BZW2: variants seen among roughly 807,000 people sequenced by gnomAD.
BZW2 encodes eIF5-mimic protein 1.
BZW2 carries 23 observed loss-of-function variants against 53.2 expected under a neutral mutation model. That is an observed-to-expected ratio of 0.43 (90% CI 0.31 to 0.61). The LOEUF (loss-of-function observed/expected upper bound fraction) is 0.61, where lower values mean the gene tolerates loss of function less well. Ranked by LOEUF, BZW2 falls within the 20% of genes least tolerant of loss-of-function variation. The probability of loss-of-function intolerance (pLI) is 0.09; values close to 1 mark genes in which losing one functional copy is unlikely to be tolerated. For synonymous variants in BZW2, 227 were observed against 186.4 expected (o/e 1.22, Z -1.77); for missense variants, 409 against 503.1 (o/e 0.81, Z 1.79).
At chr7:16,676,376 C>G (rs1782765008) in intron 3 of BZW2, among the ~76,000 whole-genome samples, 1 of 152,046 alleles carries the variant, frequency 6.6e-6, no homozygotes, top group South Asian at 2.1e-4. Flanking sequence ...TGGAGAAACC[C>G]TGTCTCTACT....
intron 1 of BZW2, among the ~76,000 whole-genome samples, chr7:16,649,269 C>T (rs1375575248): frequency 1.3e-5 from 2 of 152,214 alleles, no homozygotes; most frequent in East Asian, 3.8e-4. Context: ...CAGTGTCTTG[C>T]ACCTAGTGTA....
chr7:16,677,030 T>A (rs528526925), intron 3 of BZW2, among the ~76,000 whole-genome samples: 3 of 151,864 alleles, frequency 2.0e-5, no homozygotes, highest in East Asian at 1.9e-4. Flanking sequence ...ATCAGCAGAT[T>A]TATCTCTGTA....
chr7:16,691,547 G>C (rs571351671), intron 7 of BZW2, among the ~76,000 whole-genome samples: 1 of 152,326 alleles, frequency 6.6e-6, no homozygotes, highest in African/African-American at 2.4e-5. Flanking sequence ...CCAGAACACA[G>C]AGACTGAACT....
chr7:16,671,295 C>G (rs77698494), intron 2 of BZW2, among the ~76,000 whole-genome samples: 6,640 of 152,194 alleles, frequency 0.044, 207 homozygotes, highest in Middle Eastern at 0.11. Flanking sequence ...ACATGCTATT[C>G]ACAGCTGAAC....
At chr7:16,654,946 GA>G (rs1487952366) in intron 1 of BZW2, among the ~76,000 whole-genome samples, 2 of 152,144 alleles carry the variant, frequency 1.3e-5, no homozygotes, top group Non-Finnish European at 2.9e-5. Context: ...ATGATGAGCT[GA>G]CCTTATAATC....
At chr7:16,673,887 T>C (rs985349001) in intron 2 of BZW2, among the ~76,000 whole-genome samples, 2 of 152,118 alleles carry the variant, frequency 1.3e-5, no homozygotes, top group Non-Finnish European at 1.5e-5. Flanking sequence ...TACTCTGCAA[T>C]AAGTTATTAT....
At chr7:16,660,452 C>A (rs1418917261) in intron 1 of BZW2, among the ~76,000 whole-genome samples, 1 of 150,460 alleles carries the variant, frequency 6.6e-6, no homozygotes, top group African/African-American at 2.4e-5. Flanking sequence ...ACAGTATTGA[C>A]TGCACACAGA....
chr7:16,649,660 A>G (rs977929782), intron 1 of BZW2, among the ~76,000 whole-genome samples: 2 of 152,104 alleles, frequency 1.3e-5, no homozygotes, highest in Non-Finnish European at 2.9e-5. Context: ...AGACTTAGGT[A>G]TCTTTATTGA....
chr7:16,693,453 C>T (rs1032083001), intron 7 of BZW2, among the ~76,000 whole-genome samples: 1 of 152,188 alleles, frequency 6.6e-6, no homozygotes, highest in African/African-American at 2.4e-5. Context: ...CAGTCACACT[C>T]TTCCTAAATA....
chr7:16,685,154 GC>G (rs1295099031), intron 5 of BZW2, among the ~76,000 whole-genome samples: 6 of 152,254 alleles, frequency 3.9e-5, no homozygotes, highest in Non-Finnish European at 7.4e-5. Context: ...ATCCCACAGG[GC>G]TGACTACTCT....
chr7:16,651,189 C>T (rs989231504), intron 1 of BZW2, among the ~76,000 whole-genome samples: 1 of 151,972 alleles, frequency 6.6e-6, no homozygotes, highest in Non-Finnish European at 1.5e-5. Context: ...TTTTTTGTGT[C>T]AGATGTAGCA....
At chr7:16,699,725 A>G (rs696030) in intron 10 of BZW2, among the ~76,000 whole-genome samples, 102,556 of 151,968 alleles carry the variant, frequency 0.67, 35,826 homozygotes, top group African/African-American at 0.87. Context: ...ACGGGAAATG[A>G]CATCTAGGTG....
chr7:16,685,464 T>A (rs1358881588), intron 5 of BZW2, among the ~76,000 whole-genome samples: 1 of 151,926 alleles, frequency 6.6e-6, no homozygotes. Flanking sequence ...GTTTTTGCCG[T>A]ACAAATTCTA....
At chr7:16,680,186 A>C (rs1782895622) in intron 3 of BZW2, among the ~76,000 whole-genome samples, 1 of 152,192 alleles carries the variant, frequency 6.6e-6, no homozygotes, top group Non-Finnish European at 1.5e-5. Flanking sequence ...TCTATGAGTC[A>C]GATCTGGTCA....
At chr7:16,650,087 T>A (rs1781949692) in intron 1 of BZW2, among the ~76,000 whole-genome samples, 1 of 152,218 alleles carries the variant, frequency 6.6e-6, no homozygotes, top group East Asian at 1.9e-4. Flanking sequence ...GTTTCGCTTA[T>A]GTGATTATTC....
rs1783857507 is a variant in BZW2 at position 16,706,331 on chromosome 7, T to G, written c.*243T>G. On this transcript the variant is annotated 3_prime_UTR_variant, in exon 12 of 12. Coordinates refer to ENST00000258761, the MANE Select transcript of BZW2 (RefSeq NM_014038.3). ...TCACTATATGCTAACTTAAAGCCAT[T>G]CAACAAGGAGTCAAGTAGATCTGAA... 2 of 450,408 alleles carry G rather than the reference T, an allele frequency of 4.4e-6. No individual in the cohort carries two copies. Among genetic ancestry groups the G allele is most frequent in the South Asian group, 7.4e-5 (2 of 26,952 alleles). 27.9% of individuals were successfully genotyped at this position (450,408 alleles called of 1,614,324 possible).
intron 9 of BZW2, among the ~76,000 whole-genome samples, chr7:16,697,563 A>G (rs952348567): frequency 6.6e-6 from 1 of 152,184 alleles, no homozygotes; most frequent in Admixed American, 6.5e-5. Context: ...TTTGGAAGAG[A>G]TAAGTATTGA....
chr7:16,661,046 T>C (rs1782245702), intron 1 of BZW2, among the ~76,000 whole-genome samples: 1 of 152,124 alleles, frequency 6.6e-6, no homozygotes, highest in Non-Finnish European at 1.5e-5. Context: ...ACAAAAAATG[T>C]TGTGTTCCCT....
chr7:16,648,036 A>C (rs1202847067), intron 1 of BZW2, among the ~76,000 whole-genome samples: 1 of 152,198 alleles, frequency 6.6e-6, no homozygotes, highest in East Asian at 1.9e-4. Flanking sequence ...AGAGACAATA[A>C]CGTTGAAAGA....
Sources: allele counts gnomAD v4.1 joint callset (sites outside exome capture counted in the v4.1 genomes callset), GRCh38; gene constraint gnomAD v4.1.1; transcripts MANE v1.5; gene names NCBI Gene and HGNC (gene_info 2026-07-23, HGNC 2026-07-21).